Variants in DTNB observed in about 807,000 individuals in gnomAD.
DTNB encodes the protein DTN-B.
In DTNB, 63 loss-of-function variants were observed where a neutral mutation model predicts 90.7. That is an observed-to-expected ratio of 0.69 (90% CI 0.57 to 0.86). DTNB has a LOEUF of 0.86. Among genes scored for constraint, DTNB ranks in the 40% least tolerant of loss-of-function variants. The pLI, the probability that DTNB is intolerant of heterozygous loss-of-function variation, is 0.00. For synonymous variants in DTNB, 277 were observed against 286.7 expected, an observed-to-expected ratio of 0.97 and a Z score of 0.34; for missense variants, 744 against 807.1, an observed-to-expected ratio of 0.92 and a Z score of 0.95.
At chr2:25,615,963 A>G (rs925880423) in intron 4 of DTNB, among the ~76,000 whole-genome samples, 8 of 152,240 alleles carry the variant, frequency 5.3e-5, no homozygotes, top group African/African-American at 1.7e-4. Flanking sequence ...GAGAACCACC[A>G]ACATAGAGCT....
rs146697158 is a variant in DTNB at position 25,422,395 on chromosome 2, CTTTTTTTTTTTTTTT to C, written c.1555-2875_1555-2861del. On this transcript the variant is annotated intron_variant, in intron 15 of 20. Transcript: ENST00000406818. ...ATGTAAATGAGTTTCCTTTTCTCTT[CTTTTTTTTTTTTTTT>C]TTTTTTTTTTTTTGAGATGGAGTCT... is the stretch of plus-strand genomic sequence containing the variant. 1.3e-4 allele frequency among the ~76,000 whole-genome samples: 11 copies of C among 82,922 alleles called. No individual in the cohort carries two copies. The Admixed American group carries it at 1.5e-3, about 11-fold the overall frequency. 54.4% of individuals were successfully genotyped at this position (82,922 alleles called of 152,430 possible). A position where few individuals can be genotyped will look rare whatever the true frequency, so the allele number is the denominator to read the frequency against.
At chr2:25,474,413 A>T (rs1431483595) in intron 10 of DTNB, among the ~76,000 whole-genome samples, 1 of 152,188 alleles carries the variant, frequency 6.6e-6, no homozygotes, top group East Asian at 1.9e-4. Context: ...CTTTTCAAAC[A>T]AACTCTATTT....
At chr2:25,449,920 G>A (rs889144446) in intron 12 of DTNB, among the ~76,000 whole-genome samples, 10 of 151,788 alleles carry the variant, frequency 6.6e-5, no homozygotes, top group Admixed American at 5.2e-4. Flanking sequence ...ACACTGCCAC[G>A]CCCGGCTAAT....
rs1186282140 is a variant in DTNB at position 25,589,408 on chromosome 2, TCTCA to T, written c.603+6674_603+6677del. On this transcript the variant is annotated intron_variant, in intron 6 of 20. Coordinates refer to ENST00000406818, the MANE Select transcript of DTNB (RefSeq NM_021907.5). Reference sequence around the variant, plus strand: ...TTTTTTTTTTTTTTTTGAGATGGAGTCTCACTCTGTCGCCCAGGCTGGAGTGCTG... The same window carrying T: ...TTTTTTTTTTTTTTTTGAGATGGAGTCTCTGTCGCCCAGGCTGGAGTGCTG... Among the ~76,000 whole-genome samples the T allele has an allele frequency of 3.3e-5, 4 of 121,940 alleles. No homozygotes were observed. The East Asian group carries it at 1.1e-3, about 32-fold the overall frequency. 80.0% of individuals were successfully genotyped at this position (121,940 alleles called of 152,430 possible).
chr2:25,451,626 G>A lies in DTNB; in HGVS notation c.1179C>T (p.Asp393=), dbSNP rs1230798419. The part of the protein sequence containing the change: ...ARLQHCARVL[D]SPSRLDEEHR... ...GTTCCTCATCCAGTCGGCTAGGACT[G>A]TCCAGAACACTGCCAAGGAAATAAA... is the stretch of plus-strand genomic sequence containing the variant. The change falls in exon 12 of 21, where the codon GAC becomes GAT. Residue 393 remains aspartate, a synonymous_variant. Coordinates refer to ENST00000406818, the MANE Select transcript of DTNB (RefSeq NM_021907.5). 2.5e-6 allele frequency: 4 copies of A among 1,593,850 alleles called. No homozygotes were observed. The highest frequency in any genetic ancestry group is 3.4e-6 in the Non-Finnish European group (4 of 1,169,008).
chr2:25,549,320 T>A (rs2083110951), intron 8 of DTNB, among the ~76,000 whole-genome samples: 1 of 152,072 alleles, frequency 6.6e-6, no homozygotes. Flanking sequence ...TCTTTTCTCC[T>A]ACTTTCCTGT....
chr2:25,572,674 A>T lies in DTNB; in HGVS notation c.876+4164T>A, dbSNP rs1230443382. Among the ~76,000 whole-genome samples the T allele has an allele frequency of 3.5e-4, 51 of 147,030 alleles. 1 individual carries two copies. The highest frequency in any genetic ancestry group is 2.3e-3 in the South Asian group (11 of 4,698). On this transcript the variant is annotated intron_variant, in intron 8 of 20. Transcript: ENST00000406818. Reference sequence around the variant, plus strand: ...AGAGGTTTTTTGTTTTTTTTTTTTTAAATAGTAGTTTTATAGCTCAAATAT... The same window carrying T: ...AGAGGTTTTTTGTTTTTTTTTTTTTTAATAGTAGTTTTATAGCTCAAATAT...
chr2:25,478,738 G>A (rs569316086), intron 10 of DTNB, among the ~76,000 whole-genome samples: 5 of 152,206 alleles, frequency 3.3e-5, no homozygotes, highest in South Asian at 2.1e-4. Context: ...TAGGTCTAAC[G>A]GGCATGGTCC....
intron 19 of DTNB, among the ~76,000 whole-genome samples, chr2:25,383,375 C>T (rs953915514): frequency 6.6e-6 from 1 of 152,024 alleles, no homozygotes; most frequent in African/African-American, 2.4e-5. Flanking sequence ...TGCCACCACA[C>T]CTGGCTAATT....
intron 3 of DTNB, among the ~76,000 whole-genome samples, chr2:25,634,919 C>T (rs1434213173): frequency 1.7e-5 from 2 of 118,508 alleles, no homozygotes; most frequent in African/African-American, 2.7e-5. Context: ...ACAAACACTG[C>T]GGAAGGCCGC....
chr2:25,416,872 A>G (rs908807539), intron 16 of DTNB, among the ~76,000 whole-genome samples: 2 of 147,724 alleles, frequency 1.4e-5, no homozygotes, highest in African/African-American at 5.1e-5. Flanking sequence ...GGGTTATATC[A>G]TAGTTCTGTG....
At chr2:25,379,611 G>A (rs769002206) in intron 19 of DTNB, 3 of 358,656 alleles carry the variant, frequency 8.4e-6, no homozygotes, top group Non-Finnish European at 1.5e-5. Context: ...AGTTACATGA[G>A]GGGGGCAAAG....
intron 9 of DTNB, among the ~76,000 whole-genome samples, chr2:25,514,433 T>C (rs1182827558): frequency 2.0e-5 from 3 of 152,110 alleles, no homozygotes; most frequent in Non-Finnish European, 4.4e-5. Context: ...TTGTAGACCA[T>C]TGTATAGACT....
intron 9 of DTNB, among the ~76,000 whole-genome samples, chr2:25,502,278 G>A (rs1324493755): frequency 6.6e-6 from 1 of 152,120 alleles, no homozygotes. Flanking sequence ...AAAAAGGAAG[G>A]AGAATCAGAT....
intron 18 of DTNB, among the ~76,000 whole-genome samples, chr2:25,384,701 G>A (rs571285559): frequency 3.2e-4 from 48 of 152,282 alleles, no homozygotes; most frequent in African/African-American, 1.2e-3. Context: ...TGGGTAGCTT[G>A]AGAGGACAGG....
At chr2:25,494,563 G>T (rs966769554) in intron 9 of DTNB, among the ~76,000 whole-genome samples, 2 of 152,054 alleles carry the variant, frequency 1.3e-5, no homozygotes, top group African/African-American at 4.8e-5. Context: ...CCAACCTCAC[G>T]AAGGCAGGGG....
At chr2:25,652,487 G>C in intron 2 of DTNB, 107 bp downstream of exon 2, 1 of 1,174,004 alleles carries the variant, frequency 8.5e-7, no homozygotes, top group Non-Finnish European at 1.2e-6. Flanking sequence ...CCTCTGCAAA[G>C]CTTATAACAT....
chr2:25,399,067 T>C (rs775039636), intron 16 of DTNB, among the ~76,000 whole-genome samples: 3 of 152,200 alleles, frequency 2.0e-5, no homozygotes, highest in Non-Finnish European at 4.4e-5. Context: ...TCTTTTCTTT[T>C]TTGAGACGGA....
intron 6 of DTNB, among the ~76,000 whole-genome samples, chr2:25,583,031 C>T (rs551919961): frequency 2.0e-5 from 3 of 152,028 alleles, no homozygotes; most frequent in East Asian, 3.9e-4. Flanking sequence ...GAGGCCAAGG[C>T]GGGCAGATGG....
Sources: gnomAD v4.1 joint callset for allele counts (sites outside exome capture counted in the v4.1 genomes callset) on GRCh38, gnomAD v4.1.1 for gene constraint, MANE v1.5 for transcripts, NCBI Gene and HGNC (gene_info 2026-07-23, HGNC 2026-07-21) for gene names.